HM13: variants seen among roughly 807,000 people sequenced by gnomAD.
HM13 encodes the protein histocompatibility minor 13.
HM13 carries 18 observed loss-of-function variants against 50.0 expected under a neutral mutation model. That is an observed-to-expected ratio of 0.36 (90% CI 0.25 to 0.53). The LOEUF is 0.53. Ranked by LOEUF, HM13 falls within the 20% of genes least tolerant of loss-of-function variation. HM13 has a pLI of 0.90. For synonymous variants in HM13, 197 were observed against 232.6 expected, an observed-to-expected ratio of 0.85 and a Z score of 1.39; for missense variants, 393 against 552.4, an observed-to-expected ratio of 0.71 and a Z score of 2.89.
chr20:31,514,467 G>C lies in HM13; in HGVS notation c.-85G>C. ...ACTTCCTGTTGCCTTAGGGGAACGT[G>C]GCTTTCCCTGCAGAGCCGGTGTCTC... On this transcript the variant is annotated 5_prime_UTR_variant, in exon 1 of 13. Transcript: ENST00000398174. This position sits in a 1 kb window ranked among gnomAD's most constrained non-coding sequence, Gnocchi z 4.3. 1 of 1,444,070 alleles carries C rather than the reference G, an allele frequency of 6.9e-7. No homozygotes were observed. The highest frequency in any genetic ancestry group is 9.4e-7 in the Non-Finnish European group (1 of 1,062,466). 89.5% of individuals were successfully genotyped at this position (1,444,070 alleles called of 1,614,324 possible).
Position 31,543,285 on chromosome 20 carries a change from TTTTTTG to T in HM13, c.366-1650_366-1645del, listed in dbSNP as rs1472121028. Among the ~76,000 whole-genome samples the T allele has an allele frequency of 4.0e-5, 6 of 151,892 alleles. No homozygotes were observed. The South Asian group carries it at 1.0e-3, about 26-fold the overall frequency. On this transcript the variant is annotated intron_variant, in intron 3 of 12. Transcript: ENST00000398174. ...TGGAGAAATAGAGGCCCAGAGATGG[TTTTTTG>T]TTTTTGTTTTTAGAGACGGAGTCTC...
At chr20:31,565,602 G>A (rs748364544) in intron 10 of HM13, among the ~76,000 whole-genome samples, 2 of 152,072 alleles carry the variant, frequency 1.3e-5, no homozygotes, top group Non-Finnish European at 2.9e-5. Flanking sequence ...GCAGTGGGCT[G>A]ACTTCCTGGG....
Position 31,514,723 on chromosome 20 carries a change from G to T in HM13, c.172G>T (p.Ala58Ser), listed in dbSNP as rs369776751. The T allele has an allele frequency of 3.3e-5, 50 of 1,536,176 alleles. No individual in the cohort carries two copies. The African/African-American group carries it at 6.3e-4, about 19-fold the overall frequency. Residue 58 changes from alanine to serine, a missense_variant, in exon 1 of 13, where the codon GCC becomes TCC. Around this residue, in one of 3 missense-constraint regions of HM13, gnomAD observed 214 missense variants for 276.1 expected, o/e 0.77. Coordinates refer to ENST00000398174, the MANE Select transcript of HM13 (RefSeq NM_178581.3). The surrounding 1 kb of genome is among the most constrained non-coding windows in gnomAD (Gnocchi z 4.3). ...CGGCGCCCTGCGCTCCGTACGCTGC[G>T]CCCGCGGCAAGGTAGGGTCAGCGGG... ...FFGALRSVRCARGKNASDMPE... is the reference protein window; with the variant it reads ...FFGALRSVRCSRGKNASDMPE...
In HM13 at chr20:31,524,548, G is replaced by A. The variant is rs558421815; in HGVS notation, c.184-2936G>A. On this transcript the variant is annotated intron_variant, in intron 1 of 12. Coordinates refer to ENST00000398174, the MANE Select transcript of HM13 (RefSeq NM_178581.3). ...AGTGTGGGAGACTACATCTTTCCCC[G>A]TAGCCCCACCGACTCAGTATGTTAC... is the stretch of plus-strand genomic sequence containing the variant. Among the ~76,000 whole-genome samples, 11 of 152,084 alleles carry A rather than the reference G, an allele frequency of 7.2e-5. No individual in the cohort carries two copies. In the South Asian group the frequency reaches 1.2e-3, roughly 17 times the overall value.
At chr20:31,531,162 A>G (rs970673768) in intron 2 of HM13, among the ~76,000 whole-genome samples, 2 of 151,906 alleles carry the variant, frequency 1.3e-5, no homozygotes, top group African/African-American at 4.8e-5. Flanking sequence ...CTCCTGCCTC[A>G]GCCTCCCAAG....
chr20:31,537,965 C>T (rs961017594), intron 2 of HM13, among the ~76,000 whole-genome samples: 3 of 152,166 alleles, frequency 2.0e-5, no homozygotes, highest in East Asian at 1.9e-4. Flanking sequence ...ACTTACAAAC[C>T]CCTTTGCGAG....
chr20:31,568,308 AT>A, intron 12 of HM13, 84 bp downstream of exon 12: 1 of 1,539,440 alleles, frequency 6.5e-7, no homozygotes, highest in Non-Finnish European at 8.8e-7. Flanking sequence ...GCTCCAGTGC[AT>A]AGGGCAGGGA....
intron 7 of HM13, chr20:31,554,506 C>G: frequency 2.4e-6 from 1 of 423,414 alleles, no homozygotes. Context: ...CACGGTGAAA[C>G]CCCGTCTCTA....
rs566798533 is a variant in HM13 at position 31,548,508 on chromosome 20, A to G, written c.455-521A>G. On this transcript the variant is annotated intron_variant, in intron 4 of 12. Transcript: ENST00000398174. ...CTTCATCCTTTGGTGGCAAAGTAGA[A>G]AGATTCCAGAATTAACTCGACCTTT... is the stretch of plus-strand genomic sequence containing the variant. 7 of 183,714 alleles carry G rather than the reference A, an allele frequency of 3.8e-5. No homozygotes were observed. In the East Asian group the frequency reaches 9.9e-4, roughly 26 times the overall value. The allele number at this position is 183,714 out of a possible 1,614,324, so 11.4% of individuals were successfully genotyped here.
intron 2 of HM13, among the ~76,000 whole-genome samples, chr20:31,531,379 T>G (rs1459531084): frequency 6.6e-6 from 1 of 150,898 alleles, no homozygotes; most frequent in East Asian, 1.9e-4. Context: ...ATTTCATAGC[T>G]CCCTCATTTT....
intron 1 of HM13, among the ~76,000 whole-genome samples, chr20:31,519,039 A>G (rs1222999088): frequency 6.6e-6 from 1 of 152,070 alleles, no homozygotes; most frequent in Non-Finnish European, 1.5e-5. Context: ...TGTTTCTTAG[A>G]TATCCATCCA....
chr20:31,527,253 G>A (rs919817992), intron 1 of HM13, among the ~76,000 whole-genome samples: 1 of 152,074 alleles, frequency 6.6e-6, no homozygotes, highest in Non-Finnish European at 1.5e-5. Flanking sequence ...CAGGAGAATC[G>A]CCTGAACCCA....
At chr20:31,547,730 G>A in intron 4 of HM13, 2 of 1,125,310 alleles carry the variant, frequency 1.8e-6, no homozygotes, top group Non-Finnish European at 2.6e-6. Flanking sequence ...CAAAGAAAGG[G>A]GCCTTTTTGT....
At chr20:31,555,655 G>A (rs1984271235) in intron 8 of HM13, among the ~76,000 whole-genome samples, 1 of 152,124 alleles carries the variant, frequency 6.6e-6, no homozygotes, top group Non-Finnish European at 1.5e-5. Context: ...CTCAGAGTGA[G>A]AGGGTTAGAA....
chr20:31,567,945 A>C, intron 11 of HM13, 133 bp from the exon 12 acceptor site: 2 of 767,984 alleles, frequency 2.6e-6, no homozygotes, highest in Non-Finnish European at 4.0e-6. Flanking sequence ...TCTTTCCATA[A>C]AATCTGGAAG....
At chr20:31,562,749 G>A (rs1025469291) in intron 10 of HM13, 6 of 152,172 alleles carry the variant, frequency 3.9e-5, no homozygotes, top group African/African-American at 7.2e-5. Context: ...TCCTAGTACA[G>A]TATTACTTTA....
intron 9 of HM13, 75 bp downstream of exon 9, chr20:31,559,722 G>A: frequency 2.1e-6 from 3 of 1,441,714 alleles, no homozygotes; most frequent in Non-Finnish European, 2.9e-6. Flanking sequence ...CCCAGAGAAG[G>A]TACCTCAGGA....
At chr20:31,531,044 A>G (rs913593477) in intron 2 of HM13, among the ~76,000 whole-genome samples, 2 of 152,054 alleles carry the variant, frequency 1.3e-5, no homozygotes, top group Non-Finnish European at 2.9e-5. Flanking sequence ...GTGAATTAAA[A>G]AGATTTTTTT....
intron 8 of HM13, among the ~76,000 whole-genome samples, chr20:31,559,262 C>A (rs113420340): frequency 3.9e-5 from 6 of 152,294 alleles, no homozygotes; most frequent in African/African-American, 1.4e-4. Context: ...ACCCTGTCCC[C>A]CTGGCTGAGC....
Sources: allele counts gnomAD v4.1 joint callset (sites outside exome capture counted in the v4.1 genomes callset), GRCh38; gene constraint gnomAD v4.1.1; regional missense constraint gnomAD v4.1.1; non-coding constraint Gnocchi (gnomAD v3.1); transcripts MANE v1.5; gene names NCBI Gene and HGNC (gene_info 2026-07-23, HGNC 2026-07-21).